TMEM26: variants seen among roughly 807,000 people sequenced by gnomAD.
TMEM26 encodes the protein transmembrane protein 26.
A neutral mutation model predicts 28.8 loss-of-function variants in TMEM26; 38 were observed. The observed-to-expected ratio is 1.32, with a 90% CI of 1.02 to 1.73. TMEM26 has a LOEUF of 1.73. Among genes scored for constraint, TMEM26 ranks in the 40% most tolerant of loss-of-function variants. The probability of loss-of-function intolerance (pLI) is 0.00; values close to 1 mark genes in which losing one functional copy is unlikely to be tolerated. For synonymous variants in TMEM26, 227 were observed against 182.9 expected (o/e 1.24, Z -1.95); for missense variants, 518 against 447.1 (o/e 1.16, Z -1.43).
chr10:61,440,591 C>G (rs990984896), intron 1 of TMEM26, among the ~76,000 whole-genome samples: 1 of 151,734 alleles, frequency 6.6e-6, no homozygotes, highest in African/African-American at 2.4e-5. Context: ...TAGAAATACC[C>G]CCTCTCTCTT....
intron 1 of TMEM26, among the ~76,000 whole-genome samples, chr10:61,437,033 T>A (rs1840019293): frequency 2.0e-5 from 3 of 152,172 alleles, no homozygotes; most frequent in Admixed American, 6.5e-5. Flanking sequence ...TGACTTAAAC[T>A]ACAGACATTA....
chr10:61,429,089 G>A lies in TMEM26; in HGVS notation c.442C>T (p.Leu148Phe), dbSNP rs751635748. 6.2e-7 allele frequency: 1 copy of A among 1,613,248 alleles called. No homozygotes were observed. Among genetic ancestry groups the A allele is most frequent in the South Asian group, 1.1e-5 (1 of 91,072 alleles). ...AGCATTAACAGGAATGTCTGATGGA[G>A]TCCCAATGTCCAAACTTTCTCACAT... ...TVCEKVWTLG[L>F]HQTFLLMLII... The change falls in exon 4 of 6, where the codon CTC becomes TTC. Residue 148 changes from leucine (L) to phenylalanine (F), a missense_variant. Coordinates refer to ENST00000399298, the MANE Select transcript of TMEM26 (RefSeq NM_178505.8).
At position 61,436,226 on chromosome 10, in the gene TMEM26, AT is replaced by A; in HGVS notation, c.213del (p.Leu71PhefsTer3). The A allele has an allele frequency of 6.2e-7, 1 of 1,606,198 alleles. No homozygotes were observed. The highest frequency in any genetic ancestry group is 8.5e-7 in the Non-Finnish European group (1 of 1,175,908). ...GYKWFSPAIF[L>X]YLISIVPSLW... The stretch of plus-strand genomic sequence containing the variant: ...AATGATGGAACGATGCTAATCAGAT[AT>A]AAAAATATGGCTGGTGAAAACCTGT... On this transcript the variant is annotated frameshift_variant, in exon 2 of 6. Transcript: ENST00000399298. LOFTEE classifies it high-confidence loss of function.
At chr10:61,412,918 T>G (rs1839590818) in intron 5 of TMEM26, 3 of 1,294,616 alleles carry the variant, frequency 2.3e-6, no homozygotes, top group Non-Finnish European at 3.0e-6. Flanking sequence ...TTTATTAAAG[T>G]AAGACCAGTA....
At chr10:61,445,400 A>T (rs955186456) in intron 1 of TMEM26, among the ~76,000 whole-genome samples, 1 of 152,186 alleles carries the variant, frequency 6.6e-6, no homozygotes, top group African/African-American at 2.4e-5. Flanking sequence ...ATGTTAGAGA[A>T]CCTCTTTATG....
intron 3 of TMEM26, among the ~76,000 whole-genome samples, chr10:61,430,710 C>A (rs2135311627): frequency 6.6e-6 from 1 of 152,082 alleles, no homozygotes; most frequent in Non-Finnish European, 1.5e-5. Context: ...CAAAACGCCA[C>A]TTTTATTGGC....
intron 1 of TMEM26, among the ~76,000 whole-genome samples, chr10:61,449,718 T>C (rs1306933589): frequency 6.6e-6 from 1 of 152,224 alleles, no homozygotes; most frequent in Non-Finnish European, 1.5e-5. Context: ...ATCATTCATG[T>C]TTAGTCAATC....
intron 4 of TMEM26, among the ~76,000 whole-genome samples, chr10:61,425,016 A>T (rs983870125): frequency 6.6e-6 from 1 of 152,208 alleles, no homozygotes; most frequent in East Asian, 1.9e-4. Context: ...TGATAAAGAC[A>T]TACCCAACAC....
intron 4 of TMEM26, 86 bp downstream of exon 4, chr10:61,428,840 A>G: frequency 8.6e-7 from 1 of 1,158,134 alleles, no homozygotes; most frequent in Middle Eastern, 2.0e-4. Flanking sequence ...ATTCTTATTC[A>G]TGTGAAATAC....
chr10:61,410,543 C>T lies in TMEM26; in HGVS notation c.886G>A (p.Val296Met). 2 of 1,614,076 alleles carry T rather than the reference C, an allele frequency of 1.2e-6. No homozygotes were observed. The highest frequency in any genetic ancestry group is 1.7e-6 in the Non-Finnish European group (2 of 1,180,008). Reference sequence around the variant, plus strand: ...AAGCGGTAGAGTTGCAACACCACCACGAGGAAGTTCTTCGCGGCAAAGAAC... The same window carrying T: ...AAGCGGTAGAGTTGCAACACCACCATGAGGAAGTTCTTCGCGGCAAAGAAC... ...LVFFAAKNFLVVVLQLYRLVV... is the reference protein window; with the variant it reads ...LVFFAAKNFLMVVLQLYRLVV... Residue 296 changes from valine (V) to methionine (M), a missense_variant, in exon 6 of 6, where the codon GTG (valine) becomes ATG (methionine). By Grantham distance (21) the Val-to-Met change is conservative. Transcript: ENST00000399298.
intron 2 of TMEM26, among the ~76,000 whole-genome samples, chr10:61,433,104 A>C (rs1461685621): frequency 6.6e-6 from 1 of 152,178 alleles, no homozygotes; most frequent in Non-Finnish European, 1.5e-5. Flanking sequence ...TACCACTAAA[A>C]TACTTAAACA....
intron 4 of TMEM26, among the ~76,000 whole-genome samples, chr10:61,422,390 G>A (rs977336077): frequency 6.6e-6 from 1 of 151,908 alleles, no homozygotes; most frequent in African/African-American, 2.4e-5. Context: ...CTCCAGATAG[G>A]CCATATAATA....
Position 61,410,259 on chromosome 10 carries a change from G to A in TMEM26, c.*63C>T. The A allele has an allele frequency of 6.8e-7, 1 of 1,479,026 alleles. No homozygotes were observed. The highest frequency in any genetic ancestry group is 9.1e-7 in the Non-Finnish European group (1 of 1,098,146). 91.6% of individuals were successfully genotyped at this position (1,479,026 alleles called of 1,614,324 possible). A position where few individuals can be genotyped will look rare whatever the true frequency, so the allele number is the denominator to read the frequency against. On this transcript the variant is annotated 3_prime_UTR_variant, in exon 6 of 6. Coordinates refer to ENST00000399298, the MANE Select transcript of TMEM26 (RefSeq NM_178505.8). ...TACGCCAAGGTTGGAGGAGAAAAAG[G>A]ATCCTCCCTGTAAGAAGAACCAGGG...
chr10:61,415,934 G>C (rs1839644576), intron 4 of TMEM26: 1 of 335,164 alleles, frequency 3.0e-6, no homozygotes, highest in Admixed American at 4.1e-5. Context: ...CTATAATGTG[G>C]AAAAGGAATG....
At chr10:61,430,084 ATGAAACTT>A (rs1226121917) in intron 3 of TMEM26, among the ~76,000 whole-genome samples, 1 of 152,070 alleles carries the variant, frequency 6.6e-6, no homozygotes, top group Non-Finnish European at 1.5e-5. Flanking sequence ...TATTAGTACT[ATGAAACTT>A]TGCGTACATC....
At chr10:61,435,470 C>A (rs1023722043) in intron 2 of TMEM26, among the ~76,000 whole-genome samples, 10 of 152,170 alleles carry the variant, frequency 6.6e-5, no homozygotes, top group Non-Finnish European at 1.3e-4. Context: ...TGAGCCACCA[C>A]GCCTGGCCGG....
At chr10:61,436,671 A>G (rs1840013889) in intron 1 of TMEM26, among the ~76,000 whole-genome samples, 1 of 152,226 alleles carries the variant, frequency 6.6e-6, no homozygotes, top group Non-Finnish European at 1.5e-5. Flanking sequence ...TTTCAACATT[A>G]ACCTGGAACT....
chr10:61,414,948 T>G, intron 4 of TMEM26: 2 of 980,386 alleles, frequency 2.0e-6, no homozygotes, highest in Non-Finnish European at 2.4e-6. Flanking sequence ...TACTGTTAGG[T>G]GGATTCCTGT....
chr10:61,450,195 C>G (rs1303771052), intron 1 of TMEM26, among the ~76,000 whole-genome samples: 2 of 151,978 alleles, frequency 1.3e-5, no homozygotes, highest in South Asian at 4.2e-4. Flanking sequence ...AAAGGCTTAT[C>G]TATATATAGA....
Sources: allele counts gnomAD v4.1 joint callset (sites outside exome capture counted in the v4.1 genomes callset), GRCh38; gene constraint gnomAD v4.1.1; transcripts MANE v1.5; gene names NCBI Gene and HGNC (gene_info 2026-07-23, HGNC 2026-07-21).